PACRG: variants seen among roughly 807,000 people sequenced by gnomAD.
The protein encoded by PACRG is parkin coregulated, also known as parkin coregulated gene protein.
Under a neutral mutation model 29.7 loss-of-function variants are expected in PACRG, and 29 were observed. The ratio of observed to expected loss-of-function variants is 0.98; its 90% CI spans 0.73 to 1.33. The LOEUF (loss-of-function observed/expected upper bound fraction) is 1.33. PACRG is among the 40% of genes most tolerant of loss of function. The probability of loss-of-function intolerance (pLI) is 0.00; values close to 1 mark genes in which losing one functional copy is unlikely to be tolerated. For synonymous variants in PACRG, 116 were observed against 118.7 expected (o/e 0.98, Z 0.15); for missense variants, 279 against 316.2 (o/e 0.88, Z 0.89).
chr6:163,156,386 G>A (rs1778316345), intron 4 of PACRG, among the ~76,000 whole-genome samples: 1 of 152,112 alleles, frequency 6.6e-6, no homozygotes. Flanking sequence ...GAGCCTGGGG[G>A]CCGTTTTAGA....
At chr6:162,736,403 AGTT>A in intron 1 of PACRG, among the ~76,000 whole-genome samples, 1 of 151,862 alleles carries the variant, frequency 6.6e-6, no homozygotes, top group African/African-American at 2.4e-5. Flanking sequence ...TATATATTTT[AGTT>A]ATTGTTCTCA....
intron 1 of PACRG, among the ~76,000 whole-genome samples, chr6:162,759,006 C>T (rs996037520): frequency 1.3e-5 from 2 of 152,110 alleles, no homozygotes; most frequent in African/African-American, 2.4e-5. Flanking sequence ...ACTTGAAACC[C>T]AGTGTTTCTA....
At chr6:163,097,011 T>C (rs189264499) in intron 4 of PACRG, among the ~76,000 whole-genome samples, 18 of 152,290 alleles carry the variant, frequency 1.2e-4, no homozygotes, top group African/African-American at 4.1e-4. Flanking sequence ...TGCTCAGCTC[T>C]CCCTTCCCCC....
At chr6:163,170,291 C>A (rs1779010683) in intron 4 of PACRG, 1 of 152,276 alleles carries the variant, frequency 6.6e-6, no homozygotes, top group Admixed American at 6.5e-5. Context: ...GTTGAAATGG[C>A]CTGTTCCGTG....
At chr6:162,842,406 C>T (rs1192345459) in intron 2 of PACRG, among the ~76,000 whole-genome samples, 4 of 151,056 alleles carry the variant, frequency 2.6e-5, no homozygotes, top group Non-Finnish European at 5.9e-5. Context: ...TTATCAGAGA[C>T]TAGGATTGCA....
At chr6:163,314,119 A>G (rs1785550099) in intron 4 of PACRG, among the ~76,000 whole-genome samples, 1 of 152,158 alleles carries the variant, frequency 6.6e-6, no homozygotes, top group Non-Finnish European at 1.5e-5. Flanking sequence ...AGGCAGCTGA[A>G]GCGGTCACTT....
At chr6:163,256,101 A>T (rs1261970752) in intron 4 of PACRG, among the ~76,000 whole-genome samples, 3 of 152,182 alleles carry the variant, frequency 2.0e-5, no homozygotes, top group African/African-American at 7.2e-5. Flanking sequence ...TTTTCTATGA[A>T]TTTTTAAACA....
rs140042773 is a variant in PACRG at position 162,792,916 on chromosome 6, T to C, written c.157-21231T>C. Among the ~76,000 whole-genome samples, 35 of 152,290 alleles carry C rather than the reference T, an allele frequency of 2.3e-4. No homozygotes were observed. In the East Asian group the frequency reaches 5.4e-3, roughly 24 times the overall value. ...GAGAGGTGACCTAGTGTTTACACTT[T>C]ATTGGGACTAAAGGGCATGGTGAGT... On this transcript the variant is annotated intron_variant, in intron 1 of 4. Transcript: ENST00000366888.
chr6:162,998,936 T>A (rs1804330643), intron 2 of PACRG, among the ~76,000 whole-genome samples: 2 of 152,170 alleles, frequency 1.3e-5, no homozygotes, highest in African/African-American at 4.8e-5. Context: ...AAGCCCTAGA[T>A]GTGGGAATTT....
At chr6:163,232,928 CT>C (rs1562329649) in intron 4 of PACRG, among the ~76,000 whole-genome samples, 1 of 152,210 alleles carries the variant, frequency 6.6e-6, no homozygotes, top group East Asian at 1.9e-4. Context: ...TCTCCCAACT[CT>C]GCTCCTCCAG....
intron 4 of PACRG, among the ~76,000 whole-genome samples, chr6:163,114,162 A>G (rs915631316): frequency 1.3e-5 from 2 of 152,176 alleles, no homozygotes; most frequent in Non-Finnish European, 2.9e-5. Flanking sequence ...AGGCACAAGA[A>G]TTGCTTGAAC....
intron 4 of PACRG, among the ~76,000 whole-genome samples, chr6:163,221,770 A>C (rs1781588208): frequency 6.6e-6 from 1 of 152,192 alleles, no homozygotes; most frequent in African/African-American, 2.4e-5. Context: ...CCCAAAGCTC[A>C]ATGTCATTCG....
intron 3 of PACRG, among the ~76,000 whole-genome samples, chr6:163,062,570 G>A (rs1396748233): frequency 6.6e-6 from 1 of 152,146 alleles, no homozygotes; most frequent in African/African-American, 2.4e-5. Context: ...ATGCCTCACA[G>A]TAATGACATA....
intron 4 of PACRG, among the ~76,000 whole-genome samples, chr6:163,249,700 G>A (rs895117423): frequency 6.6e-6 from 1 of 152,218 alleles, no homozygotes; most frequent in African/African-American, 2.4e-5. Flanking sequence ...CGAAGTTTCT[G>A]TGGTTTCCTG....
chr6:163,163,930 A>C (rs183161614), intron 4 of PACRG, among the ~76,000 whole-genome samples: 2,329 of 152,280 alleles, frequency 0.015, 30 homozygotes, highest in Non-Finnish European at 0.025. Context: ...TTTACAGATA[A>C]ATAGATATTG....
chr6:163,258,929 A>G (rs1406560399), intron 4 of PACRG, among the ~76,000 whole-genome samples: 1 of 152,198 alleles, frequency 6.6e-6, no homozygotes, highest in African/African-American at 2.4e-5. Flanking sequence ...AAATGCCTCT[A>G]ATAATCACTA....
At chr6:162,924,057 A>G (rs891358475) in intron 2 of PACRG, among the ~76,000 whole-genome samples, 3 of 151,858 alleles carry the variant, frequency 2.0e-5, no homozygotes, top group African/African-American at 7.2e-5. Context: ...GTCTTCTTCA[A>G]TTTCTTCCGC....
At chr6:162,973,962 A>C (rs549441003) in intron 2 of PACRG, among the ~76,000 whole-genome samples, 2 of 152,220 alleles carry the variant, frequency 1.3e-5, no homozygotes, top group Admixed American at 6.5e-5. Flanking sequence ...ATTTACCCAC[A>C]GTGTTTAAAC....
intron 4 of PACRG, among the ~76,000 whole-genome samples, chr6:163,279,134 G>A (rs993702605): frequency 6.6e-6 from 1 of 152,190 alleles, no homozygotes; most frequent in Admixed American, 6.5e-5. Context: ...TTGATTCTCA[G>A]CTTGGTCGCT....
Sources: allele counts gnomAD v4.1 joint callset (sites outside exome capture counted in the v4.1 genomes callset), GRCh38; gene constraint gnomAD v4.1.1; transcripts MANE v1.5; gene names NCBI Gene and HGNC (gene_info 2026-07-23, HGNC 2026-07-21).